CCDC88A: variants seen among roughly 807,000 people sequenced by gnomAD.
CCDC88A encodes coiled-coil and HOOK domain protein 88A, also known as girdin.
CCDC88A carries 54 observed loss-of-function variants against 234.3 expected under a neutral mutation model. The ratio of observed to expected loss-of-function variants is 0.23; its 90% confidence interval spans 0.19 to 0.29. The LOEUF (loss-of-function observed/expected upper bound fraction) is 0.29, where lower values mean the gene tolerates loss of function less well. CCDC88A is among the 10% of genes least tolerant of loss of function. The pLI, the probability that CCDC88A is intolerant of heterozygous loss-of-function variation, is 1.00. For missense variants in CCDC88A, 1,832 were observed against 2,123.4 expected (o/e 0.86, Z 2.70); for synonymous variants, 753 against 737.8 (o/e 1.02, Z -0.33).
chr2:55,319,586 C>T (rs1056848504), intron 18 of CCDC88A, among the ~76,000 whole-genome samples: 1 of 152,032 alleles, frequency 6.6e-6, no homozygotes, highest in African/African-American at 2.4e-5. Context: ...TCTTATTTTT[C>T]CCACAATATA....
intron 2 of CCDC88A, among the ~76,000 whole-genome samples, chr2:55,396,730 CG>C (rs1244626896): frequency 6.6e-6 from 1 of 151,630 alleles, no homozygotes; most frequent in Non-Finnish European, 1.5e-5. Flanking sequence ...ATTAGCCAGG[CG>C]TGGTGGCAGG....
chr2:55,371,792 A>G (rs1361299906), intron 5 of CCDC88A, among the ~76,000 whole-genome samples: 3 of 151,844 alleles, frequency 2.0e-5, no homozygotes, highest in South Asian at 4.2e-4. Context: ...AGCCCACTCT[A>G]TAATTATTAA....
In CCDC88A at chr2:55,364,091, T is replaced by C. The variant is rs77997758; in HGVS notation, c.403-58A>G. 805 of 793,216 alleles carry C rather than the reference T, an allele frequency of 1.0e-3. 4 individuals are homozygous for C. Among genetic ancestry groups the C allele is most frequent in the African/African-American group, 9.0e-3 (508 of 56,550 alleles). The allele number at this position is 793,216 out of a possible 1,614,324, so 49.1% of individuals were successfully genotyped here. ...TTTATAGGGTATGGTCCTTAAAATG[T>C]TATATATAACTAAAACTTTATGAGG... On this transcript the variant is annotated intron_variant, in intron 5 of 32. Transcript: ENST00000436346.
intron 8 of CCDC88A, 178 bp downstream of exon 8, chr2:55,355,401 A>G (rs1288926291): frequency 1.4e-5 from 8 of 569,282 alleles, no homozygotes; most frequent in Non-Finnish European, 3.1e-6. Flanking sequence ...AATAAAAGGC[A>G]TCCTTTAAAC....
At chr2:55,312,336 A>C in intron 23 of CCDC88A, 98 bp downstream of exon 23, 1 of 1,072,846 alleles carries the variant, frequency 9.3e-7, no homozygotes, top group Admixed American at 2.1e-5. Flanking sequence ...TTTGTTGAAA[A>C]TCAGTAAAAA....
intron 3 of CCDC88A, among the ~76,000 whole-genome samples, chr2:55,379,455 G>C (rs1289747172): frequency 6.6e-6 from 1 of 151,846 alleles, no homozygotes; most frequent in East Asian, 1.9e-4. Context: ...AGAAAATCAG[G>C]GCAGTCATTT....
rs541839155 is a variant in CCDC88A, at chr2:55,335,797, G to A, written c.1657-633C>T. Among the ~76,000 whole-genome samples the A allele has an allele frequency of 7.9e-5, 12 of 152,200 alleles. No homozygotes were observed. Among genetic ancestry groups the A allele is most frequent in the African/African-American group, 2.6e-4 (11 of 41,548 alleles). ...CAAGCTTGGAAAAATGAAGATTGAA[G>A]CTTAGTCTAGAATTTTGGTTCTGTA... On this transcript the variant is annotated intron_variant, in intron 14 of 32. Coordinates refer to ENST00000436346, the MANE Select transcript of CCDC88A (RefSeq NM_001365480.1). The surrounding 1 kb of genome is among the most constrained non-coding windows in gnomAD (Gnocchi z 4.5).
chr2:55,330,343 C>G lies in CCDC88A; in HGVS notation c.2856-1908G>C, dbSNP rs528975193. ...ACAAAATTAGCCAGGCATGGTGGTG[C>G]GTGCCTGTAATCCCAGCTACTTGGG... On this transcript the variant is annotated intron_variant, in intron 16 of 32. Coordinates refer to ENST00000436346, the MANE Select transcript of CCDC88A (RefSeq NM_001365480.1). Among the ~76,000 whole-genome samples the G allele has an allele frequency of 3.3e-5, 5 of 151,992 alleles. No homozygotes were observed. The South Asian group carries it at 8.3e-4, about 25-fold the overall frequency.
At chr2:55,403,593 T>A (rs6721593) in intron 2 of CCDC88A, 140,961 of 152,328 alleles carry the variant, frequency 0.93, 65,389 homozygotes, top group African/African-American at 0.97. Context: ...AACACACGCA[T>A]AAAAAGGCAA....
intron 29 of CCDC88A, among the ~76,000 whole-genome samples, chr2:55,297,555 C>T (rs1459244175): frequency 1.3e-5 from 2 of 148,304 alleles, no homozygotes; most frequent in Non-Finnish European, 3.0e-5. Context: ...GGATTACAGG[C>T]ATGCGCCCCC....
chr2:55,299,702 A>G (rs1283756626), intron 29 of CCDC88A, 137 bp downstream of exon 29: 2 of 628,720 alleles, frequency 3.2e-6, no homozygotes, highest in African/African-American at 3.6e-5. Flanking sequence ...TGTGAAAAGT[A>G]TAAAATGTTC....
chr2:55,403,515 T>A (rs1318522441), intron 2 of CCDC88A: 1 of 152,256 alleles, frequency 6.6e-6, no homozygotes, highest in African/African-American at 2.4e-5. Flanking sequence ...TTTGGTACAA[T>A]TCCTTGATTC....
chr2:55,379,345 A>T (rs1156812665), intron 3 of CCDC88A, among the ~76,000 whole-genome samples: 1 of 152,242 alleles, frequency 6.6e-6, no homozygotes, highest in Non-Finnish European at 1.5e-5. Flanking sequence ...TAAACTAATG[A>T]AGATACTTCA....
chr2:55,332,651 C>T lies in CCDC88A; in HGVS notation c.2770G>A (p.Asp924Asn). 1 of 1,612,538 alleles carries T rather than the reference C, an allele frequency of 6.2e-7. No individual in the cohort carries two copies. The highest frequency in any genetic ancestry group is 1.3e-5 in the African/African-American group (1 of 74,936). Residue 924 changes from aspartate to asparagine, a missense_variant, in exon 16 of 33, where the codon GAT becomes AAT. Around this residue, in one of 6 missense-constraint regions of CCDC88A, gnomAD observed 1,282 missense variants for 1,543.6 expected, o/e 0.83. Transcript: ENST00000436346. This position sits in a 1 kb window ranked among gnomAD's most constrained non-coding sequence, Gnocchi z 4.5. Reference protein sequence around the residue: ...EKLKTQQMNNDLEKLTHELEK... With the variant: ...EKLKTQQMNNNLEKLTHELEK... ...AGCTCATGAGTTAATTTTTCGAGAT[C>T]ATTGTTCATCTGTTGGGTCTTCAAC...
rs1007062813 is a variant in CCDC88A, at chr2:55,336,604, T to C, written c.1656+77A>G. 68 of 894,276 alleles carry C rather than the reference T, an allele frequency of 7.6e-5. 1 individual carries two copies. The highest frequency in any genetic ancestry group is 3.5e-4 in the Middle Eastern group (1 of 2,898). 55.4% of individuals were successfully genotyped at this position (894,276 alleles called of 1,614,324 possible). On this transcript the variant is annotated intron_variant, in intron 14 of 32. Coordinates refer to ENST00000436346, the MANE Select transcript of CCDC88A (RefSeq NM_001365480.1). ...TCCCTTTAATGTTTATATGAACATT[T>C]TGTTTGCATATATTTTAAATAACTT...
intron 13 of CCDC88A, 190 bp from the exon 14 acceptor site, chr2:55,337,008 C>A: frequency 4.7e-6 from 2 of 424,500 alleles, no homozygotes; most frequent in Non-Finnish European, 4.1e-6. Flanking sequence ...AATATGCAGA[C>A]ATGATTTCTT....
rs1394312613 is a variant in CCDC88A at position 55,322,571 on chromosome 2, T to C, written c.3119A>G (p.Glu1040Gly). ...TAATCTGTCTTTAACTTTCAGAAGTTCTCTAGTCGTTTCTTGACTTTCTCG... is the reference window on the plus strand; with the variant it reads ...TAATCTGTCTTTAACTTTCAGAAGTCCTCTAGTCGTTTCTTGACTTTCTCG... ...WERESQETTR[E>G]LLKVKDRLIE... is the part of the protein sequence containing the mutation. Residue 1040 changes from glutamate (E) to glycine (G), a missense_variant, in exon 18 of 33, where the codon GAA (glutamate) becomes GGA (glycine). Glu to Gly is a moderately conservative substitution (Grantham distance 98). Transcript: ENST00000436346. 1.9e-6 allele frequency: 3 copies of C among 1,608,462 alleles called. No individual in the cohort carries two copies. Among genetic ancestry groups the C allele is most frequent in the Non-Finnish European group, 2.6e-6 (3 of 1,175,560 alleles).
intron 8 of CCDC88A, among the ~76,000 whole-genome samples, chr2:55,352,600 G>A (rs1670033709): frequency 6.6e-6 from 1 of 152,074 alleles, no homozygotes; most frequent in Admixed American, 6.5e-5. Flanking sequence ...GAAAAATAAT[G>A]AATAGTTTAT....
intron 31 of CCDC88A, 62 bp from the exon 32 acceptor site, chr2:55,291,837 A>C: frequency 7.6e-7 from 1 of 1,308,694 alleles, no homozygotes; most frequent in East Asian, 2.3e-5. Flanking sequence ...AATTCAGAAG[A>C]TAAGAAATAC....
Sources: gnomAD v4.1 joint callset for allele counts (sites outside exome capture counted in the v4.1 genomes callset) on GRCh38, gnomAD v4.1.1 for gene constraint, gnomAD v4.1.1 regional missense constraint, Gnocchi (gnomAD v3.1) non-coding constraint, MANE v1.5 for transcripts, NCBI Gene and HGNC (gene_info 2026-07-23, HGNC 2026-07-21) for gene names.